Variants in APP observed in about 807,000 individuals in gnomAD.
APP encodes the protein amyloid beta precursor protein, also known as amyloid-beta precursor protein.
A neutral mutation model predicts 101.4 loss-of-function variants in APP; 31 were observed. The ratio of observed to expected loss-of-function variants is 0.31; its 90% CI spans 0.23 to 0.41. The LOEUF is 0.41. APP is among the 10% of genes least tolerant of loss of function. The pLI, the probability that APP is intolerant of heterozygous loss-of-function variation, is 1.00. For synonymous variants in APP, 366 were observed against 364.4 expected (o/e 1.00, Z -0.05); for missense variants, 839 against 1,003.7 (o/e 0.84, Z 2.22).
intron 3 of APP, among the ~76,000 whole-genome samples, chr21:26,055,285 A>G (rs1165816886): frequency 2.6e-5 from 4 of 152,176 alleles, no homozygotes; most frequent in Non-Finnish European, 4.4e-5. Flanking sequence ...CCGCCAAGAA[A>G]CCTAAGGCTA....
chr21:26,111,096 A>G (rs1466120483), intron 2 of APP, among the ~76,000 whole-genome samples: 1 of 150,876 alleles, frequency 6.6e-6, no homozygotes, highest in Non-Finnish European at 1.5e-5. Context: ...TTAAAAAAAA[A>G]AAAAAAAAAA....
intron 3 of APP, among the ~76,000 whole-genome samples, chr21:26,062,235 ACAC>A (rs1568927440): frequency 1.5e-4 from 11 of 73,432 alleles, no homozygotes; most frequent in African/African-American, 6.6e-4. Context: ...AAACAAACAC[ACAC>A]ACACACACAC....
intron 2 of APP, among the ~76,000 whole-genome samples, chr21:26,107,219 C>T (rs1214564599): frequency 6.6e-6 from 1 of 152,154 alleles, no homozygotes; most frequent in African/African-American, 2.4e-5. Context: ...GCAGACACCC[C>T]ATAGCAATGC....
intron 5 of APP, among the ~76,000 whole-genome samples, chr21:26,030,326 C>G (rs1235340016): frequency 6.6e-6 from 1 of 152,134 alleles, no homozygotes; most frequent in East Asian, 1.9e-4. Flanking sequence ...CTTTCTGGAA[C>G]TCAGGGAGAA....
chr21:26,097,268 C>A (rs971122185), intron 2 of APP, among the ~76,000 whole-genome samples: 1 of 152,182 alleles, frequency 6.6e-6, no homozygotes, highest in African/African-American at 2.4e-5. Flanking sequence ...TGCTGATGGG[C>A]TGTCTGTCCT....
chr21:26,082,572 A>G (rs559035952), intron 3 of APP, among the ~76,000 whole-genome samples: 1 of 152,338 alleles, frequency 6.6e-6, no homozygotes, highest in Non-Finnish European at 1.5e-5. Context: ...TCTTATCATG[A>G]CCAATTACCT....
chr21:26,061,052 G>T (rs1462232165), intron 3 of APP, among the ~76,000 whole-genome samples: 1 of 152,220 alleles, frequency 6.6e-6, no homozygotes, highest in African/African-American at 2.4e-5. Context: ...AGACCAGGAA[G>T]GGGGCTCTGG....
In APP at chr21:26,051,022, C is replaced by T; in HGVS notation, c.640G>A (p.Asp214Asn). Residue 214 changes from aspartate to asparagine, a missense_variant, in exon 5 of 18, where the codon GAC (aspartate) becomes AAC (asparagine). Coordinates refer to ENST00000346798, the MANE Select transcript of APP (RefSeq NM_000484.4). ...DDSDVWWGGA[D>N]TDYADGSEDK... is the part of the protein sequence containing the mutation. ...TACCTCCCATCTGCATAGTCTGTGT[C>T]TGCTCCGCCCCACCAGACATCCGAG... is the stretch of plus-strand genomic sequence containing the variant. 6.2e-7 allele frequency: 1 copy of T among 1,614,180 alleles called. No homozygotes were observed. The highest frequency in any genetic ancestry group is 8.5e-7 in the Non-Finnish European group (1 of 1,180,030).
chr21:26,170,863 C>G (rs2146417439), upstream of APP: 1 of 415,546 alleles, frequency 2.4e-6, no homozygotes, highest in East Asian at 3.9e-5. Context: ...CTAGCGGCGC[C>G]GCCGGGGAAC....
At chr21:26,076,961 G>A (rs1331888846) in intron 3 of APP, among the ~76,000 whole-genome samples, 1 of 151,894 alleles carries the variant, frequency 6.6e-6, no homozygotes, top group Non-Finnish European at 1.5e-5. Context: ...TACTCAAGAG[G>A]CTGAGACAGG....
chr21:25,899,502 G>T (rs2038298358), intron 15 of APP, among the ~76,000 whole-genome samples: 1 of 152,138 alleles, frequency 6.6e-6, no homozygotes. Flanking sequence ...CTTGGTGCAG[G>T]GGTGCGAGAT....
chr21:26,031,161 C>T (rs953096769), intron 5 of APP, among the ~76,000 whole-genome samples: 8 of 152,168 alleles, frequency 5.3e-5, no homozygotes, highest in African/African-American at 1.9e-4. Flanking sequence ...GTCAATGCAG[C>T]AAGAACTATG....
intron 2 of APP, among the ~76,000 whole-genome samples, chr21:26,097,809 G>A (rs1420255880): frequency 6.6e-6 from 1 of 152,092 alleles, no homozygotes; most frequent in African/African-American, 2.4e-5. Flanking sequence ...GGCCGGGCGC[G>A]GTGGCTCAGG....
intron 14 of APP, among the ~76,000 whole-genome samples, chr21:25,911,342 C>G (rs184909708): frequency 6.6e-6 from 1 of 152,208 alleles, no homozygotes; most frequent in Admixed American, 6.5e-5. Context: ...GGCTCCCCTT[C>G]GTCCGGGAGT....
intron 13 of APP, among the ~76,000 whole-genome samples, chr21:25,926,951 C>T (rs920569803): frequency 1.0e-4 from 14 of 134,042 alleles, no homozygotes; most frequent in South Asian, 7.4e-4. Context: ...TGCAGTGAGC[C>T]GAGATCGCGC....
intron 1 of APP, among the ~76,000 whole-genome samples, chr21:26,168,679 A>G (rs2063670206): frequency 1.3e-5 from 2 of 152,240 alleles, no homozygotes; most frequent in Admixed American, 1.3e-4. Flanking sequence ...ATCTGTAGTA[A>G]GACCATTCGG....
intron 5 of APP, among the ~76,000 whole-genome samples, chr21:26,044,798 C>T (rs913007644): frequency 6.6e-6 from 1 of 152,186 alleles, no homozygotes; most frequent in Non-Finnish European, 1.5e-5. Context: ...CTCGGCCTCC[C>T]AAAGTGCTGG....
At chr21:26,016,821 C>T (rs1052513003) in intron 6 of APP, among the ~76,000 whole-genome samples, 3 of 152,104 alleles carry the variant, frequency 2.0e-5, no homozygotes, top group Non-Finnish European at 4.4e-5. Context: ...CCGCCTGCCT[C>T]GGCCTCCCAA....
intron 5 of APP, among the ~76,000 whole-genome samples, chr21:26,045,113 GA>G (rs949737555): frequency 7.9e-5 from 12 of 152,054 alleles, no homozygotes; most frequent in East Asian, 1.9e-4. Flanking sequence ...AAAAAAGGGG[GA>G]AAAAAAGACT....
Sources: gnomAD v4.1 joint callset for allele counts (sites outside exome capture counted in the v4.1 genomes callset) on GRCh38, gnomAD v4.1.1 for gene constraint, MANE v1.5 for transcripts, NCBI Gene and HGNC (gene_info 2026-07-23, HGNC 2026-07-21) for gene names.